Variants in GRAMD2B observed in about 807,000 individuals in gnomAD.
The protein encoded by GRAMD2B is GRAM domain-containing protein 2B.
GRAMD2B carries 41 observed loss-of-function variants against 59.2 expected under a neutral mutation model. The ratio of observed to expected loss-of-function variants is 0.69; its 90% CI spans 0.54 to 0.90. The LOEUF is 0.90. Among genes scored for constraint, GRAMD2B ranks in the 40% least tolerant of loss-of-function variants. The pLI is 0.00. For missense variants in GRAMD2B, 424 were observed against 500.5 expected, an observed-to-expected ratio of 0.85 and a Z score of 1.46; for synonymous variants, 161 against 182.7, an observed-to-expected ratio of 0.88 and a Z score of 0.96.
chr5:126,457,222 G>GA (rs1766474559), intron 1 of GRAMD2B, among the ~76,000 whole-genome samples: 1 of 124,406 alleles, frequency 8.0e-6, no homozygotes, highest in African/African-American at 3.2e-5. Flanking sequence ...AAAAAAAAAA[G>GA]AAGTACCTGG....
intron 1 of GRAMD2B, among the ~76,000 whole-genome samples, chr5:126,440,277 G>A (rs1044896640): frequency 1.3e-5 from 2 of 152,102 alleles, no homozygotes. Context: ...AACTTATGAA[G>A]TATTTCTTAA....
At chr5:126,411,853 T>C (rs750460779) in intron 1 of GRAMD2B, among the ~76,000 whole-genome samples, 12 of 151,768 alleles carry the variant, frequency 7.9e-5, no homozygotes, top group Non-Finnish European at 1.3e-4. Flanking sequence ...TGTGTGTGTG[T>C]GTGTGTGTTT....
At chr5:126,419,419 G>A (rs1235818285), upstream of GRAMD2B, among the ~76,000 whole-genome samples, 2 of 152,070 alleles carry the variant, frequency 1.3e-5, no homozygotes, top group Admixed American at 6.6e-5. Context: ...AGCACTAGGA[G>A]GGTGGTGCTA....
At chr5:126,445,927 C>T (rs1764138746) in intron 1 of GRAMD2B, among the ~76,000 whole-genome samples, 1 of 152,134 alleles carries the variant, frequency 6.6e-6, no homozygotes, top group Non-Finnish European at 1.5e-5. Context: ...GGTCCTGGTA[C>T]CTGGTGATGT....
At chr5:126,410,392 A>T (rs1758677633) in intron 1 of GRAMD2B, among the ~76,000 whole-genome samples, 1 of 151,634 alleles carries the variant, frequency 6.6e-6, no homozygotes, top group South Asian at 2.1e-4. Context: ...TTCTCCTTGA[A>T]GAGGTCCTTC....
chr5:126,420,036 C>G (rs1285226057), upstream of GRAMD2B, among the ~76,000 whole-genome samples: 1 of 110,710 alleles, frequency 9.0e-6, no homozygotes, highest in South Asian at 3.0e-4. Flanking sequence ...GCCTGGGCAA[C>G]AGAGCGAGAC....
At chr5:126,413,612 G>A (rs748778009) in intron 1 of GRAMD2B, among the ~76,000 whole-genome samples, 5 of 151,954 alleles carry the variant, frequency 3.3e-5, no homozygotes, top group Non-Finnish European at 5.9e-5. Flanking sequence ...TGTCTCTTAG[G>A]TCCAATTAGT....
chr5:126,360,176 A>G, exon 1 of GRAMD2B: 1 of 782,856 alleles, frequency 1.3e-6, no homozygotes, highest in East Asian at 2.8e-5. Flanking sequence ...CATCCCTCTG[A>G]GCAGACGCTG....
intron 1 of GRAMD2B, among the ~76,000 whole-genome samples, chr5:126,427,166 G>T (rs894687296): frequency 6.6e-6 from 1 of 152,102 alleles, no homozygotes; most frequent in Non-Finnish European, 1.5e-5. Context: ...CAACGTGCAG[G>T]TTTATTACAT....
chr5:126,400,453 T>C (rs1757725341), intron 1 of GRAMD2B, among the ~76,000 whole-genome samples: 4 of 152,282 alleles, frequency 2.6e-5, no homozygotes, highest in African/African-American at 9.6e-5. Flanking sequence ...AATACTTTTG[T>C]CTATTATCTT....
chr5:126,448,766 G>T (rs568275944), intron 1 of GRAMD2B, among the ~76,000 whole-genome samples: 1 of 152,194 alleles, frequency 6.6e-6, no homozygotes, highest in Non-Finnish European at 1.5e-5. Context: ...GAGAAGGCTA[G>T]TCATAGTATG....
intron 10 of GRAMD2B, 123 bp downstream of exon 10, chr5:126,484,647 G>A (rs992374182): frequency 1.0e-6 from 1 of 977,898 alleles, no homozygotes. Context: ...GCAATAACAT[G>A]ATCTTGGCTC....
chr5:126,429,520 C>T (rs909479950), intron 1 of GRAMD2B, among the ~76,000 whole-genome samples: 1 of 152,068 alleles, frequency 6.6e-6, no homozygotes, highest in African/African-American at 2.4e-5. Context: ...TGCATATGTA[C>T]CCCTGAACTT....
intron 1 of GRAMD2B, among the ~76,000 whole-genome samples, chr5:126,461,671 G>C (rs1209521240): frequency 6.6e-6 from 1 of 152,092 alleles, no homozygotes; most frequent in Admixed American, 6.6e-5. Flanking sequence ...ATGGTGGCAG[G>C]CACCTGTAAT....
intron 1 of GRAMD2B, among the ~76,000 whole-genome samples, chr5:126,426,057 T>G (rs1211972989): frequency 6.6e-6 from 1 of 152,144 alleles, no homozygotes; most frequent in Non-Finnish European, 1.5e-5. Context: ...GTATGTTGCT[T>G]GATTTAATCA....
chr5:126,427,370 A>T (rs1391088177), intron 1 of GRAMD2B, among the ~76,000 whole-genome samples: 2 of 108,330 alleles, frequency 1.8e-5, no homozygotes, highest in African/African-American at 6.7e-5. Context: ...TTCAACAAGT[A>T]CCCAAATACC....
intron 1 of GRAMD2B, among the ~76,000 whole-genome samples, chr5:126,428,498 T>C (rs1303444999): frequency 6.6e-6 from 1 of 152,220 alleles, no homozygotes; most frequent in East Asian, 1.9e-4. Flanking sequence ...AAATCAGCTC[T>C]ATGACTGGAG....
chr5:126,413,434 G>T (rs944145763), intron 1 of GRAMD2B, among the ~76,000 whole-genome samples: 1 of 151,912 alleles, frequency 6.6e-6, no homozygotes, highest in Non-Finnish European at 1.5e-5. Flanking sequence ...TCTTGGAATC[G>T]ATTTTCATTT....
chr5:126,462,438 C>G (rs1346292718), intron 1 of GRAMD2B: 129 of 985,160 alleles, frequency 1.3e-4, no homozygotes, highest in Non-Finnish European at 1.5e-4. Context: ...GACAAGACCT[C>G]CAAGGTAAGG....
Sources: gnomAD v4.1 joint callset for allele counts (sites outside exome capture counted in the v4.1 genomes callset) on GRCh38, gnomAD v4.1.1 for gene constraint, MANE v1.5 for transcripts, NCBI Gene and HGNC (gene_info 2026-07-23, HGNC 2026-07-21) for gene names.